The following PKHD1L1 variants were observed in gnomAD, a reference collection of about 807,000 sequenced individuals.
The protein encoded by PKHD1L1 is fibrocystin-L.
PKHD1L1 carries 434 observed loss-of-function variants against 462.9 expected under a neutral mutation model. The observed-to-expected ratio is 0.94, with a 90% CI of 0.87 to 1.02. PKHD1L1 has a LOEUF of 1.02. Ranked by LOEUF, PKHD1L1 falls within the 50% of genes least tolerant of loss-of-function variation. PKHD1L1 has a pLI of 0.00. For synonymous variants in PKHD1L1, 1,781 were observed against 1,750.0 expected, an observed-to-expected ratio of 1.02 and a Z score of -0.44; for missense variants, 5,202 against 5,096.1, an observed-to-expected ratio of 1.02 and a Z score of -0.63.
chr8:109,456,224 A>G (rs1230698708), intron 45 of PKHD1L1, 38 bp from the exon 46 acceptor site: 1 of 1,551,866 alleles, frequency 6.4e-7, no homozygotes, highest in South Asian at 1.2e-5. Flanking sequence ...CAAATCAAAC[A>G]CATGTAAGGA....
chr8:109,412,283 C>G lies in PKHD1L1; in HGVS notation c.2104C>G (p.Gln702Glu). Residue 702 changes from glutamine (Q) to glutamate (E), a missense_variant, in exon 20 of 78, where the codon CAG becomes GAG. Transcript: ENST00000378402. ...DFNLEHINRG[Q>E]KTAETDAYCG... ...TCGGTAGGAACATATTAACAGAGGG[C>G]AGAAGACAGCTGAAACCGATGCTTA... is the stretch of plus-strand genomic sequence containing the variant. 6.2e-7 allele frequency: 1 copy of G among 1,613,500 alleles called. No individual in the cohort carries two copies. Among genetic ancestry groups the G allele is most frequent in the Non-Finnish European group, 8.5e-7 (1 of 1,179,686 alleles).
Position 109,498,489 on chromosome 8 carries a change from G to C in PKHD1L1, c.10627G>C (p.Gly3543Arg), listed in dbSNP as rs370588401. 6 of 1,612,590 alleles carry C rather than the reference G, an allele frequency of 3.7e-6. No individual in the cohort carries two copies. Among genetic ancestry groups the C allele is most frequent in the African/African-American group, 1.3e-5 (1 of 74,868 alleles). ...KSSLIVGSSP[G>R]FNCSDVLTND... ...CTCATTAATTGTTGGAAGTAGCCCT[G>C]GGTTTAATTGCTCTGATGTCCTAAC... is the stretch of plus-strand genomic sequence containing the variant. The change falls in exon 66 of 78, where the codon GGG (glycine) becomes CGG (arginine). Residue 3543 changes from glycine to arginine, a missense_variant. Gly to Arg is a moderately radical substitution (Grantham distance 125). Coordinates refer to ENST00000378402, the MANE Select transcript of PKHD1L1 (RefSeq NM_177531.6).
At chr8:109,515,370 T>A (rs1820215512) in intron 72 of PKHD1L1, 65 bp downstream of exon 72, 17 of 1,221,322 alleles carry the variant, frequency 1.4e-5, no homozygotes, top group Non-Finnish European at 1.8e-5. Flanking sequence ...TTTAAGTGTC[T>A]GATTATTAGT....
chr8:109,463,365 G>A (rs1380542713), intron 48 of PKHD1L1, among the ~76,000 whole-genome samples: 3 of 152,116 alleles, frequency 2.0e-5, no homozygotes, highest in African/African-American at 7.2e-5. Context: ...GACACAGTCA[G>A]CACCTCCATT....
chr8:109,500,633 A>T (rs1363036893), intron 67 of PKHD1L1, among the ~76,000 whole-genome samples: 1 of 145,022 alleles, frequency 6.9e-6, no homozygotes, highest in Non-Finnish European at 1.5e-5. Flanking sequence ...GAGATCACAC[A>T]ACTGTACTCC....
At position 109,405,776 on chromosome 8, in the gene PKHD1L1, G is replaced by T. The variant is rs139882008; in HGVS notation, c.1670-559G>T. Among the ~76,000 whole-genome samples the T allele has an allele frequency of 5.1e-4, 77 of 152,100 alleles. 1 individual carries two copies. In the East Asian group the frequency reaches 0.014, roughly 28 times the overall value. On this transcript the variant is annotated intron_variant, in intron 16 of 77. Coordinates refer to ENST00000378402, the MANE Select transcript of PKHD1L1 (RefSeq NM_177531.6). ...ATACCTAGGTGATGATGGGTTGATA[G>T]GTGCAGCAAACCACCATGACATACG...
intron 20 of PKHD1L1, among the ~76,000 whole-genome samples, 158 bp from the exon 21 acceptor site, chr8:109,413,263 A>G (rs549007716): frequency 8.5e-5 from 13 of 152,270 alleles, no homozygotes; most frequent in Non-Finnish European, 1.8e-4. Context: ...TCTTCTGCAC[A>G]TAACTGGCTG....
chr8:109,507,157 G>A (rs1819733084), intron 68 of PKHD1L1, among the ~76,000 whole-genome samples: 1 of 152,066 alleles, frequency 6.6e-6, no homozygotes, highest in South Asian at 2.1e-4. Flanking sequence ...GATTAGTATA[G>A]GAAGGTGATA....
Position 109,497,001 on chromosome 8 carries a change from T to A in PKHD1L1, c.10410T>A (p.Leu3470=). ...GGATCTATATGAACCAAGATGGCCT[T>A]CCTGGATGTTCTCTTATACAAGGAT... is the stretch of plus-strand genomic sequence containing the variant. ...LYGIYMNQDG[L]PGCSLIQGFT... Residue 3470 remains leucine, a synonymous_variant, in exon 64 of 78, where the codon CTT becomes CTA. Coordinates refer to ENST00000378402, the MANE Select transcript of PKHD1L1 (RefSeq NM_177531.6). 3.7e-6 allele frequency: 6 copies of A among 1,613,658 alleles called. No individual in the cohort carries two copies. Among genetic ancestry groups the A allele is most frequent in the Non-Finnish European group, 5.1e-6 (6 of 1,179,582 alleles).
Position 109,477,393 on chromosome 8 carries a change from A to G in PKHD1L1, c.9086A>G (p.Tyr3029Cys), listed in dbSNP as rs781544179. 1.6e-5 allele frequency: 25 copies of G among 1,611,340 alleles called. No individual in the cohort carries two copies. In the South Asian group the frequency reaches 2.2e-4, roughly 14 times the overall value. Reference sequence around the variant, plus strand: ...ATTCCCAAGAAGCGACCAGCCACATATAAGTACATAGGCCTTTTGTAGTTG... The same window carrying G: ...ATTCCCAAGAAGCGACCAGCCACATGTAAGTACATAGGCCTTTTGTAGTTG... ...KPIPKKRPAT[Y>C]NLWSNDSFWQ... The change falls in exon 53 of 78, where the codon TAT (tyrosine) becomes TGT (cysteine). Residue 3029 changes from tyrosine to cysteine, a missense_variant. Physicochemically the swap from Tyr to Cys is radical, Grantham distance 194. Around this residue, in one of 3 missense-constraint regions of PKHD1L1, gnomAD observed 4,497 missense variants for 4,336.8 expected, o/e 1.04. Coordinates refer to ENST00000378402, the MANE Select transcript of PKHD1L1 (RefSeq NM_177531.6).
At chr8:109,421,813 A>C (rs1476075354) in intron 23 of PKHD1L1, among the ~76,000 whole-genome samples, 1 of 152,136 alleles carries the variant, frequency 6.6e-6, no homozygotes, top group Admixed American at 6.5e-5. Flanking sequence ...AACTAATTCA[A>C]GGCTCTGTAT....
At position 109,367,566 on chromosome 8, in the gene PKHD1L1, G is replaced by T. The variant is rs562980004; in HGVS notation, c.163+2930G>T. 2.0e-5 allele frequency among the ~76,000 whole-genome samples: 3 copies of T among 152,300 alleles called. No individual in the cohort carries two copies. In the East Asian group the frequency reaches 5.8e-4, roughly 29 times the overall value. On this transcript the variant is annotated intron_variant, in intron 2 of 77. Transcript: ENST00000378402. Reference sequence around the variant, plus strand: ...GTATAGTATTGACTTGTAAACATTTGCCACAGCATTACTTTGTTTAAAAGG... The same window carrying T: ...GTATAGTATTGACTTGTAAACATTTTCCACAGCATTACTTTGTTTAAAAGG...
Position 109,515,431 on chromosome 8 carries a change from C to T in PKHD1L1, c.11689+126C>T, listed in dbSNP as rs73314907. 2,758 of 726,914 alleles carry T rather than the reference C, an allele frequency of 3.8e-3. 66 individuals are homozygous for T. In the African/African-American group the frequency reaches 0.046, roughly 12 times the overall value. The allele number at this position is 726,914 out of a possible 1,614,324, so 45.0% of individuals were successfully genotyped here. A position where few individuals can be genotyped will look rare whatever the true frequency, so the allele number is the denominator to read the frequency against. The stretch of plus-strand genomic sequence containing the variant: ...ATGGAGAAGAAAACAAGTTTTTAGC[C>T]ATAGTCCACCAAATACTAAGATGTT... On this transcript the variant is annotated intron_variant, in intron 72 of 77. Transcript: ENST00000378402.
intron 2 of PKHD1L1, among the ~76,000 whole-genome samples, chr8:109,371,348 G>A (rs1461261431): frequency 6.6e-6 from 1 of 152,058 alleles, no homozygotes; most frequent in African/African-American, 2.4e-5. Context: ...TTTTGATGGG[G>A]TTGTTTGTAT....
chr8:109,514,114 C>G (rs1350892702), intron 71 of PKHD1L1, among the ~76,000 whole-genome samples: 1 of 152,152 alleles, frequency 6.6e-6, no homozygotes, highest in African/African-American at 2.4e-5. Context: ...CCCCACTGAG[C>G]TCCTTGCTGT....
rs763835921 is a variant in PKHD1L1, at chr8:109,479,619, C to A, written c.9158C>A (p.Ala3053Glu). ...ENNYTVPHPG[A>E]NVIIPEGTWI... ...AATTATACTGTACCTCACCCAGGGGCAAATGTGATTATACCTGAAGGTAAA... is the reference window on the plus strand; with the variant it reads ...AATTATACTGTACCTCACCCAGGGGAAAATGTGATTATACCTGAAGGTAAA... The change falls in exon 54 of 78, where the codon GCA becomes GAA. Residue 3053 changes from alanine (A) to glutamate (E), a missense_variant. By Grantham distance (107) the Ala-to-Glu change is moderately radical. Transcript: ENST00000378402. 6.6e-7 allele frequency: 1 copy of A among 1,516,480 alleles called. No homozygotes were observed. The highest frequency in any genetic ancestry group is 1.2e-5 in the South Asian group (1 of 84,538). The allele number at this position is 1,516,480 out of a possible 1,614,324, so 93.9% of individuals were successfully genotyped here.
chr8:109,492,201 G>C (rs754480359), intron 62 of PKHD1L1, among the ~76,000 whole-genome samples: 1 of 150,794 alleles, frequency 6.6e-6, no homozygotes, highest in Non-Finnish European at 1.5e-5. Context: ...ATTATTTCAA[G>C]TTCCAGTACA....
Position 109,523,367 on chromosome 8 carries a change from C to G in PKHD1L1, c.12465C>G (p.Asp4155Glu). The G allele has an allele frequency of 6.2e-7, 1 of 1,612,852 alleles. No homozygotes were observed. The change falls in exon 76 of 78, where the codon GAC (aspartate) becomes GAG (glutamate). Residue 4155 changes from aspartate (D) to glutamate (E), a missense_variant. Around this residue, in one of 3 missense-constraint regions of PKHD1L1, gnomAD observed 698 missense variants for 736.3 expected, o/e 0.95. Coordinates refer to ENST00000378402, the MANE Select transcript of PKHD1L1 (RefSeq NM_177531.6). The stretch of plus-strand genomic sequence containing the variant: ...GCAGCTGTTGGGCCAACTACACAGA[C>G]CTTACTCCCCTTAGAACAGGTGGGT... The part of the protein sequence containing the change: ...PFSSCWANYT[D>E]LTPLRTGKNY...
At chr8:109,423,957 T>C (rs1307353650) in intron 23 of PKHD1L1, among the ~76,000 whole-genome samples, 1 of 152,222 alleles carries the variant, frequency 6.6e-6, no homozygotes, top group Non-Finnish European at 1.5e-5. Context: ...TGCTCGTTAT[T>C]TGTATATAGA....
Sources: gnomAD v4.1 joint callset for allele counts (sites outside exome capture counted in the v4.1 genomes callset) on GRCh38, gnomAD v4.1.1 for gene constraint, gnomAD v4.1.1 regional missense constraint, MANE v1.5 for transcripts, NCBI Gene and HGNC (gene_info 2026-07-23, HGNC 2026-07-21) for gene names.